ROBO2: variants seen among roughly 807,000 people sequenced by gnomAD.
ROBO2 encodes roundabout homolog 2.
Under a neutral mutation model 160.8 loss-of-function variants are expected in ROBO2, and 53 were observed. The ratio of observed to expected loss-of-function variants is 0.33; its 90% CI spans 0.26 to 0.41. ROBO2 has a LOEUF of 0.41. Ranked by LOEUF, ROBO2 falls within the 10% of genes least tolerant of loss-of-function variation. The pLI, the probability that ROBO2 is intolerant of heterozygous loss-of-function variation, is 1.00. For missense variants in ROBO2, 1,577 were observed against 1,722.4 expected, an observed-to-expected ratio of 0.92 and a Z score of 1.49; for synonymous variants, 664 against 611.7, an observed-to-expected ratio of 1.09 and a Z score of -1.26.
At chr3:77,420,829 C>A (rs527625879) in intron 2 of ROBO2, among the ~76,000 whole-genome samples, 83 of 152,168 alleles carry the variant, frequency 5.5e-4, no homozygotes, top group African/African-American at 1.9e-3. Flanking sequence ...GAATGTTTCC[C>A]TTATCAAATG....
intron 2 of ROBO2, among the ~76,000 whole-genome samples, chr3:76,861,420 A>C (rs1157273031): frequency 3.1e-4 from 47 of 152,070 alleles, no homozygotes; most frequent in Non-Finnish European, 7.4e-5. Flanking sequence ...AAATTATTCT[A>C]ATGCTACTAT....
chr3:76,329,026 A>G (rs2073269653), intron 2 of ROBO2, among the ~76,000 whole-genome samples: 1 of 151,686 alleles, frequency 6.6e-6, no homozygotes, highest in Non-Finnish European at 1.5e-5. Context: ...ACTGGTTGTC[A>G]GAACTCCAGG....
chr3:76,038,944 A>G (rs969003765), intron 2 of ROBO2, among the ~76,000 whole-genome samples: 3 of 152,012 alleles, frequency 2.0e-5, no homozygotes, highest in Non-Finnish European at 4.4e-5. Flanking sequence ...AAGTCATGCA[A>G]GCAGCAATGG....
At chr3:77,586,603 A>T (rs1037309803) in intron 16 of ROBO2, among the ~76,000 whole-genome samples, 18 of 152,096 alleles carry the variant, frequency 1.2e-4, no homozygotes, top group African/African-American at 4.3e-4. Flanking sequence ...CCAGCAGCAT[A>T]AAAAATAGCA....
chr3:76,324,715 T>C (rs1227201314), intron 2 of ROBO2, among the ~76,000 whole-genome samples: 1 of 152,112 alleles, frequency 6.6e-6, no homozygotes, highest in Non-Finnish European at 1.5e-5. Flanking sequence ...CCTCAATAAT[T>C]CTGGAATTAA....
At chr3:77,303,820 C>T (rs899351918) in intron 2 of ROBO2, among the ~76,000 whole-genome samples, 1 of 151,674 alleles carries the variant, frequency 6.6e-6, no homozygotes, top group African/African-American at 2.4e-5. Flanking sequence ...TATATATATG[C>T]AAGTGCTAGG....
chr3:76,603,353 TATATA>T (rs1384678538), intron 2 of ROBO2, among the ~76,000 whole-genome samples: 1 of 56,038 alleles, frequency 1.8e-5, no homozygotes, highest in Non-Finnish European at 3.5e-5. Flanking sequence ...AAAAAAAAAA[TATATA>T]TATATATATA....
intron 2 of ROBO2, among the ~76,000 whole-genome samples, chr3:77,309,210 G>C (rs1420268144): frequency 6.6e-6 from 1 of 151,744 alleles, no homozygotes; most frequent in Non-Finnish European, 1.5e-5. Context: ...TCTAATAAAT[G>C]CCAGTTGTTA....
chr3:76,557,405 TAC>T (rs988633743), intron 2 of ROBO2, among the ~76,000 whole-genome samples: 33 of 152,014 alleles, frequency 2.2e-4, no homozygotes, highest in African/African-American at 7.0e-4. Flanking sequence ...AGCAAATTAG[TAC>T]GGTAAGGTTT....
intron 2 of ROBO2, among the ~76,000 whole-genome samples, chr3:76,765,777 T>C (rs2061546776): frequency 6.6e-6 from 1 of 151,686 alleles, no homozygotes; most frequent in African/African-American, 2.4e-5. Context: ...GTCTGATTAC[T>C]AGTGTGTGAG....
intron 2 of ROBO2, among the ~76,000 whole-genome samples, chr3:76,150,620 A>G (rs567292511): frequency 6.6e-6 from 1 of 152,304 alleles, no homozygotes; most frequent in African/African-American, 2.4e-5. Context: ...TCCCTAGGTC[A>G]CCACATGGCT....
At chr3:77,159,524 G>A (rs913983190) in intron 2 of ROBO2, among the ~76,000 whole-genome samples, 50 of 152,124 alleles carry the variant, frequency 3.3e-4, no homozygotes, top group African/African-American at 1.2e-3. Context: ...AGTAGAACTT[G>A]TATTCAATAC....
chr3:76,256,313 C>A (rs893073245), intron 2 of ROBO2, among the ~76,000 whole-genome samples: 1,610 of 57,934 alleles, frequency 0.028, 38 homozygotes, highest in African/African-American at 0.11. Flanking sequence ...CTCTCTCTCT[C>A]TCTCTCTCTC....
intron 2 of ROBO2, among the ~76,000 whole-genome samples, chr3:77,310,514 T>G (rs191084441): frequency 3.1e-4 from 47 of 152,270 alleles, no homozygotes; most frequent in Non-Finnish European, 5.3e-4. Context: ...ATTGATCTTG[T>G]GTCTATTTGT....
chr3:76,065,137 C>T (rs2068209611), intron 2 of ROBO2, among the ~76,000 whole-genome samples: 1 of 151,852 alleles, frequency 6.6e-6, no homozygotes, highest in Admixed American at 6.6e-5. Context: ...ATTTGGAGCC[C>T]ATAAAGATTT....
At chr3:77,617,064 C>A (rs1182807149) in intron 21 of ROBO2, among the ~76,000 whole-genome samples, 1 of 152,088 alleles carries the variant, frequency 6.6e-6, no homozygotes, top group African/African-American at 2.4e-5. Context: ...TGTCAGATAT[C>A]TAGAACAAGA....
intron 2 of ROBO2, among the ~76,000 whole-genome samples, chr3:77,125,755 G>A (rs1273481922): frequency 1.3e-5 from 2 of 152,062 alleles, no homozygotes; most frequent in African/African-American, 4.8e-5. Flanking sequence ...ATATAATAAA[G>A]TTGTTGTATA....
intron 2 of ROBO2, among the ~76,000 whole-genome samples, chr3:77,274,841 A>G (rs1447498521): frequency 6.6e-6 from 1 of 152,138 alleles, no homozygotes; most frequent in East Asian, 1.9e-4. Flanking sequence ...AACATAGTCC[A>G]TGAACACCAG....
chr3:76,746,492 C>G, intron 2 of ROBO2, among the ~76,000 whole-genome samples: 1 of 152,138 alleles, frequency 6.6e-6, no homozygotes, highest in Non-Finnish European at 1.5e-5. Context: ...CTCTCCAGCA[C>G]CTGTTGTTTC....
Sources: allele counts gnomAD v4.1 joint callset (sites outside exome capture counted in the v4.1 genomes callset), GRCh38; gene constraint gnomAD v4.1.1; transcripts MANE v1.5; gene names NCBI Gene and HGNC (gene_info 2026-07-23, HGNC 2026-07-21).